Variants in POLD3 observed in about 807,000 individuals in gnomAD.
POLD3 encodes DNA polymerase delta subunit 3.
POLD3 carries 19 observed loss-of-function variants against 58.2 expected under a neutral mutation model. The observed-to-expected ratio is 0.33, with a 90% CI of 0.23 to 0.48. POLD3 has a LOEUF of 0.48. Among genes scored for constraint, POLD3 ranks in the 20% least tolerant of loss-of-function variants. POLD3 has a pLI of 0.99. For synonymous variants in POLD3, 172 were observed against 193.5 expected (o/e 0.89, Z 0.92); for missense variants, 504 against 545.5 (o/e 0.92, Z 0.76).
At chr11:74,658,325 C>T (rs540773922) in intron 4 of POLD3, among the ~76,000 whole-genome samples, 71 of 152,284 alleles carry the variant, frequency 4.7e-4, no homozygotes, top group African/African-American at 1.7e-3. Flanking sequence ...GGGTCCCTCC[C>T]ACAATATGTG....
chr11:74,648,559 C>T (rs779040924), intron 4 of POLD3, among the ~76,000 whole-genome samples: 46 of 152,022 alleles, frequency 3.0e-4, no homozygotes, highest in Non-Finnish European at 6.3e-4. Flanking sequence ...AGATGGAAAG[C>T]GAGAAGGGCA....
At chr11:74,594,585 GAACATTCATGTATAA>G (rs1420230323) in intron 2 of POLD3, among the ~76,000 whole-genome samples, 1 of 152,102 alleles carries the variant, frequency 6.6e-6, no homozygotes, top group Non-Finnish European at 1.5e-5. Flanking sequence ...ATGCTGTTAT[GAACATTCATGTATAA>G]AACATTCATC....
At chr11:74,655,739 A>C (rs775219861) in intron 4 of POLD3, among the ~76,000 whole-genome samples, 2 of 152,224 alleles carry the variant, frequency 1.3e-5, no homozygotes, top group East Asian at 3.8e-4. Flanking sequence ...TCTACAAAAC[A>C]CTAAATACCA....
At chr11:74,625,719 A>G (rs2032411600) in intron 8 of POLD3, 146 bp downstream of exon 8, 1 of 590,284 alleles carries the variant, frequency 1.7e-6, no homozygotes, top group Non-Finnish European at 2.9e-6. Flanking sequence ...CAAAATGGAA[A>G]GAGAAGCCCA....
chr11:74,603,548 C>G (rs1215764856), intron 2 of POLD3, among the ~76,000 whole-genome samples: 1 of 152,088 alleles, frequency 6.6e-6, no homozygotes, highest in African/African-American at 2.4e-5. Context: ...CCAAGAAACC[C>G]CTCAGACCCA....
intron 4 of POLD3, among the ~76,000 whole-genome samples, chr11:74,666,759 A>C (rs2033273456): frequency 6.6e-6 from 1 of 152,180 alleles, no homozygotes. Context: ...ATGCAAATGC[A>C]AGGGACCAAG....
At chr11:74,603,357 C>G (rs1452666357) in intron 2 of POLD3, among the ~76,000 whole-genome samples, 1 of 152,134 alleles carries the variant, frequency 6.6e-6, no homozygotes, top group Non-Finnish European at 1.5e-5. Flanking sequence ...TGAGACTTGG[C>G]AACTCATTGG....
intron 3 of POLD3, among the ~76,000 whole-genome samples, chr11:74,605,760 C>T (rs185578076): frequency 3.7e-4 from 57 of 152,158 alleles, no homozygotes; most frequent in African/African-American, 1.3e-3. Context: ...TGTTTTTTAG[C>T]GATTGAGTCC....
Position 74,640,594 on chromosome 11 carries a change from G to A in POLD3, c.1229G>A (p.Cys410Tyr). 2 of 1,597,648 alleles carry A rather than the reference G, an allele frequency of 1.3e-6. No individual in the cohort carries two copies. Among genetic ancestry groups the A allele is most frequent in the Non-Finnish European group, 1.7e-6 (2 of 1,173,158 alleles). ...GAAAAAGTCTACGAGAGTGAATCCT[G>A]CACAGATAGTGAAGAGGAGCTTAAC... ...VTEKVYESES[C>Y]TDSEEELNMK... Residue 410 changes from cysteine to tyrosine, a missense_variant, in exon 12 of 12, where the codon TGC becomes TAC. Cys to Tyr is a radical substitution (Grantham distance 194). Coordinates refer to ENST00000263681, the MANE Select transcript of POLD3 (RefSeq NM_006591.3).
At chr11:74,602,098 C>T (rs912870662) in intron 2 of POLD3, among the ~76,000 whole-genome samples, 2 of 152,000 alleles carry the variant, frequency 1.3e-5, no homozygotes, top group African/African-American at 4.8e-5. Context: ...AGCTTTGTTA[C>T]ACTTTTTTTT....
chr11:74,631,960 C>T lies in POLD3; in HGVS notation c.1007-2623C>T, dbSNP rs149958400. Among the ~76,000 whole-genome samples, 906 of 152,058 alleles carry T rather than the reference C, an allele frequency of 6.0e-3. 3 individuals carry two copies. Among genetic ancestry groups the T allele is most frequent in the Middle Eastern group, 0.01 (3 of 294 alleles). On this transcript the variant is annotated intron_variant, in intron 9 of 11. Transcript: ENST00000263681. ...ACTGTTCCTTTCTCTTTTACCCCTG[C>T]GGGGTCATAAGCACCTGTAGTACTA...
chr11:74,626,483 T>C (rs1000579564), intron 8 of POLD3, among the ~76,000 whole-genome samples: 1 of 152,228 alleles, frequency 6.6e-6, no homozygotes, highest in African/African-American at 2.4e-5. Context: ...CTTTTTTGAA[T>C]TGATTGGATG....
Position 74,640,970 on chromosome 11 carries a change from T to G in POLD3, c.*204T>G, listed in dbSNP as rs545407524. On this transcript the variant is annotated 3_prime_UTR_variant, in exon 12 of 12. Coordinates refer to ENST00000263681, the MANE Select transcript of POLD3 (RefSeq NM_006591.3). ...AAGCAGGAGGCAAAAAGCTGTTACC[T>G]TCTAATGACATTTAAAAAGCACAGT... is the stretch of plus-strand genomic sequence containing the variant. 8.0e-6 allele frequency: 10 copies of G among 1,256,266 alleles called. No homozygotes were observed. The East Asian group carries it at 3.0e-4, about 37-fold the overall frequency. 77.8% of individuals were successfully genotyped at this position (1,256,266 alleles called of 1,614,324 possible).
At chr11:74,600,271 T>A (rs1380985530) in intron 2 of POLD3, among the ~76,000 whole-genome samples, 1 of 152,202 alleles carries the variant, frequency 6.6e-6, no homozygotes, top group East Asian at 1.9e-4. Context: ...AAGAATATTT[T>A]ATATTTTGTT....
At chr11:74,602,664 C>T (rs1458248890) in intron 2 of POLD3, among the ~76,000 whole-genome samples, 1 of 152,216 alleles carries the variant, frequency 6.6e-6, no homozygotes, top group Non-Finnish European at 1.5e-5. Flanking sequence ...TCCACATAAC[C>T]TTCTCAGATC....
chr11:74,646,063 C>G (rs1471171997), downstream of POLD3, among the ~76,000 whole-genome samples: 1 of 152,070 alleles, frequency 6.6e-6, no homozygotes, highest in Non-Finnish European at 1.5e-5. Flanking sequence ...ACCTCCGCTT[C>G]CCAGGTTCAA....
chr11:74,649,163 C>G (rs897913324), intron 4 of POLD3, among the ~76,000 whole-genome samples: 3 of 152,164 alleles, frequency 2.0e-5, no homozygotes, highest in Non-Finnish European at 4.4e-5. Flanking sequence ...CTGCATCTCC[C>G]TGGAATTCTT....
chr11:74,624,031 T>C (rs2032350658), intron 7 of POLD3, among the ~76,000 whole-genome samples: 1 of 152,212 alleles, frequency 6.6e-6, no homozygotes, highest in South Asian at 2.1e-4. Flanking sequence ...AGCCTCTCTT[T>C]CCTTAATCCA....
At chr11:74,599,956 A>T (rs74353436) in intron 2 of POLD3, among the ~76,000 whole-genome samples, 3,729 of 144,698 alleles carry the variant, frequency 0.026, 78 homozygotes, top group African/African-American at 0.059. Context: ...TATTATTATT[A>T]TTTTTTTTTT....
Sources: gnomAD v4.1 joint callset for allele counts (sites outside exome capture counted in the v4.1 genomes callset) on GRCh38, gnomAD v4.1.1 for gene constraint, MANE v1.5 for transcripts, NCBI Gene and HGNC (gene_info 2026-07-23, HGNC 2026-07-21) for gene names.